The following PDE4D variants were observed in gnomAD, a reference collection of about 807,000 sequenced individuals.
PDE4D encodes 3',5'-cyclic-AMP phosphodiesterase 4D.
Under a neutral mutation model 87.4 loss-of-function variants are expected in PDE4D, and 24 were observed. The observed-to-expected ratio is 0.27, with a 90% CI of 0.20 to 0.39. The LOEUF (loss-of-function observed/expected upper bound fraction) is 0.39, where lower values mean the gene tolerates loss of function less well. Ranked by LOEUF, PDE4D falls within the 10% of genes least tolerant of loss-of-function variation. The pLI, the probability that PDE4D is intolerant of heterozygous loss-of-function variation, is 1.00. For missense variants in PDE4D, 714 were observed against 1,041.0 expected (o/e 0.69, Z 4.32); for synonymous variants, 384 against 383.2 (o/e 1.00, Z -0.02).
At chr5:59,713,698 G>A (rs1754553364) in intron 1 of PDE4D, among the ~76,000 whole-genome samples, 1 of 152,170 alleles carries the variant, frequency 6.6e-6, no homozygotes, top group Non-Finnish European at 1.5e-5. Flanking sequence ...CTGCAAGGGT[G>A]AACTCTGTTG....
chr5:60,242,511 GCAGAATACA>G (rs1234389556), intron 1 of PDE4D, among the ~76,000 whole-genome samples: 1 of 152,058 alleles, frequency 6.6e-6, no homozygotes, highest in Non-Finnish European at 1.5e-5. Flanking sequence ...TCCAATGGCT[GCAGAATACA>G]CAGAATACAC....
At chr5:60,000,115 C>G (rs1000474669) in intron 2 of PDE4D, among the ~76,000 whole-genome samples, 1 of 151,800 alleles carries the variant, frequency 6.6e-6, no homozygotes, top group African/African-American at 2.4e-5. Context: ...TTCCAACATA[C>G]ACATAATGCA....
chr5:59,357,951 C>T (rs1243108808), intron 1 of PDE4D, among the ~76,000 whole-genome samples: 2 of 152,138 alleles, frequency 1.3e-5, no homozygotes, highest in Non-Finnish European at 1.5e-5. Flanking sequence ...GCTTCAAGTG[C>T]CCAAGAGTGA....
At chr5:60,010,476 C>T (rs1764918663) in intron 2 of PDE4D, among the ~76,000 whole-genome samples, 1 of 152,134 alleles carries the variant, frequency 6.6e-6, no homozygotes, top group Non-Finnish European at 1.5e-5. Flanking sequence ...TATGTTTTCA[C>T]AAAGTAAAAA....
At chr5:60,412,528 T>C (rs1742130482) in intron 1 of PDE4D, among the ~76,000 whole-genome samples, 1 of 152,152 alleles carries the variant, frequency 6.6e-6, no homozygotes, top group Non-Finnish European at 1.5e-5. Context: ...GAGACAGAAC[T>C]TTTTCTCAAA....
intron 1 of PDE4D, among the ~76,000 whole-genome samples, chr5:60,210,446 G>A (rs373725976): frequency 2.6e-5 from 4 of 151,874 alleles, no homozygotes; most frequent in Non-Finnish European, 5.9e-5. Context: ...AAACAGCAAA[G>A]TAATCAATAC....
At chr5:59,223,124 T>A (rs542633289) in intron 1 of PDE4D, among the ~76,000 whole-genome samples, 1 of 152,334 alleles carries the variant, frequency 6.6e-6, no homozygotes, top group South Asian at 2.1e-4. Flanking sequence ...CAGATTGCTC[T>A]AAAAGTTTCA....
chr5:59,115,520 T>C (rs1464621263), intron 5 of PDE4D, among the ~76,000 whole-genome samples: 1 of 152,186 alleles, frequency 6.6e-6, no homozygotes, highest in Non-Finnish European at 1.5e-5. Flanking sequence ...TGACCAAGCT[T>C]GTATGAATCA....
At chr5:59,655,155 A>G (rs996580036) in intron 1 of PDE4D, among the ~76,000 whole-genome samples, 2 of 152,016 alleles carry the variant, frequency 1.3e-5, no homozygotes, top group African/African-American at 4.8e-5. Context: ...TAAAAAAAAA[A>G]TTCTCTGAAA....
intron 1 of PDE4D, among the ~76,000 whole-genome samples, chr5:60,440,184 T>C (rs1397617987): frequency 6.6e-6 from 1 of 152,156 alleles, no homozygotes; most frequent in Non-Finnish European, 1.5e-5. Flanking sequence ...GAGGTACTAA[T>C]TCTATACTTA....
chr5:60,277,871 C>A (rs1258311279), intron 1 of PDE4D, among the ~76,000 whole-genome samples: 1 of 152,218 alleles, frequency 6.6e-6, no homozygotes, highest in Admixed American at 6.5e-5. Flanking sequence ...CTTTAACCCT[C>A]CACACTTATA....
At chr5:60,110,369 T>C (rs898697848) in intron 2 of PDE4D, among the ~76,000 whole-genome samples, 3 of 151,976 alleles carry the variant, frequency 2.0e-5, no homozygotes, top group Non-Finnish European at 4.4e-5. Flanking sequence ...AATATCTGAA[T>C]AGACACTTTT....
chr5:59,918,269 A>C (rs953250863), intron 3 of PDE4D, among the ~76,000 whole-genome samples: 35 of 152,006 alleles, frequency 2.3e-4, no homozygotes, highest in African/African-American at 8.2e-4. Flanking sequence ...TTTTTTTTTA[A>C]AGAGGCACCT....
At chr5:59,292,985 A>G (rs180999356) in intron 1 of PDE4D, among the ~76,000 whole-genome samples, 2 of 152,302 alleles carry the variant, frequency 1.3e-5, no homozygotes, top group Non-Finnish European at 2.9e-5. Context: ...TAAGTCATCA[A>G]GCATTTATTG....
At chr5:59,089,803 C>A (rs1450022856) in intron 5 of PDE4D, among the ~76,000 whole-genome samples, 1 of 152,056 alleles carries the variant, frequency 6.6e-6, no homozygotes, top group Non-Finnish European at 1.5e-5. Flanking sequence ...TGAGAAGGAA[C>A]CTTTATATAG....
chr5:59,139,932 A>T (rs1777650596), intron 5 of PDE4D, among the ~76,000 whole-genome samples: 1 of 152,190 alleles, frequency 6.6e-6, no homozygotes, highest in African/African-American at 2.4e-5. Context: ...CATACATACA[A>T]GTCTAAGTTT....
At position 60,299,235 on chromosome 5, in the gene PDE4D, A is replaced by T. The variant is rs1351849549; in HGVS notation, c.-89-113548T>A. ...ACCATTGAAGACAGCCTTTAAAACC[A>T]AAAGTAATGGATAATCAATTCCATA... On this transcript the variant is annotated intron_variant, in intron 1 of 16. Transcript: ENST00000502484. 5.3e-5 allele frequency among the ~76,000 whole-genome samples: 8 copies of T among 152,260 alleles called. No homozygotes were observed. In the East Asian group the frequency reaches 1.5e-3, roughly 29 times the overall value.
At position 59,179,744 on chromosome 5, in the gene PDE4D, T is replaced by C. The variant is rs185102218; in HGVS notation, c.808+851A>G. ...GCTCAAGGAAGACACTTGAATCCAA[T>C]GACGAATTGTTTTAGTTTGGAGAAT... On this transcript the variant is annotated intron_variant, in intron 5 of 14. Coordinates refer to ENST00000340635, the MANE Select transcript of PDE4D (RefSeq NM_001104631.2). 122 of 376,462 alleles carry C rather than the reference T, an allele frequency of 3.2e-4. 1 individual carries two copies. In the Admixed American group the frequency reaches 4.5e-3, roughly 14 times the overall value. The allele number at this position is 376,462 out of a possible 1,614,324, so 23.3% of individuals were successfully genotyped here.
chr5:59,934,639 T>C (rs2152792368), intron 3 of PDE4D, among the ~76,000 whole-genome samples: 1 of 152,336 alleles, frequency 6.6e-6, no homozygotes, highest in Middle Eastern at 3.4e-3. Context: ...GTCTTCTAAA[T>C]AGCAAAGAAT....
Sources: gnomAD v4.1 joint callset for allele counts (sites outside exome capture counted in the v4.1 genomes callset) on GRCh38, gnomAD v4.1.1 for gene constraint, MANE v1.5 for transcripts, NCBI Gene and HGNC (gene_info 2026-07-23, HGNC 2026-07-21) for gene names.